The following COL4A5 variants were observed in gnomAD, a reference collection of about 807,000 sequenced individuals.
COL4A5 encodes collagen type IV alpha 5 chain.
A neutral mutation model predicts 130.2 loss-of-function variants in COL4A5; 26 were observed. That is an observed-to-expected ratio of 0.20 (90% CI 0.15 to 0.28). The LOEUF (loss-of-function observed/expected upper bound fraction) is 0.28, where lower values mean the gene tolerates loss of function less well. Among genes scored for constraint, COL4A5 ranks in the 10% least tolerant of loss-of-function variants. The pLI is 1.00. For missense variants in COL4A5, 1,131 were observed against 1,344.3 expected (o/e 0.84, Z 2.48); for synonymous variants, 496 against 439.6 (o/e 1.13, Z -1.60).
intron 1 of COL4A5, among the ~76,000 whole-genome samples, chrX:108,443,987 C>T (rs764371723): frequency 9.0e-6 from 1 of 111,669 alleles, no homozygotes; most frequent in East Asian, 2.8e-4. Flanking sequence ...TCTCTTTACG[C>T]TTAATGTATA....
intron 1 of COL4A5, chrX:108,442,929 C>T (rs988676564): frequency 5.4e-5 from 6 of 111,802 alleles, no homozygotes; most frequent in Non-Finnish European, 1.1e-4. Context: ...AATACATTCC[C>T]AGAAATCCAG....
rs1437668236 is a variant in COL4A5, at chrX:108,527,061, C to T, written c.82-12685C>T. ...CTGGGATTACAGGAATGAGTCACCACACCCAGCTGGCATTGACTTTTTGAA... is the reference window on the plus strand; with the variant it reads ...CTGGGATTACAGGAATGAGTCACCATACCCAGCTGGCATTGACTTTTTGAA... On this transcript the variant is annotated intron_variant, in intron 1 of 52. Coordinates refer to ENST00000328300, the MANE Select transcript of COL4A5 (RefSeq NM_033380.3). 5.4e-5 allele frequency among the ~76,000 whole-genome samples: 6 copies of T among 110,673 alleles called. No individual in the cohort carries two copies. The Admixed American group carries it at 5.8e-4, about 11-fold the overall frequency.
intron 1 of COL4A5, among the ~76,000 whole-genome samples, chrX:108,532,305 A>T (rs914283106): frequency 3.6e-5 from 4 of 112,083 alleles, no homozygotes; most frequent in African/African-American, 1.3e-4. Flanking sequence ...GATACATTAC[A>T]TCAACAGATT....
At chrX:108,648,074 A>G (rs2067643216) in intron 36 of COL4A5, among the ~76,000 whole-genome samples, 1 of 110,927 alleles carries the variant, frequency 9.0e-6, no homozygotes, top group Non-Finnish European at 1.9e-5. Flanking sequence ...AGGCTTTGGT[A>G]TCAGGATGAT....
chrX:108,487,331 G>A (rs187182075), intron 1 of COL4A5, among the ~76,000 whole-genome samples: 9 of 107,519 alleles, frequency 8.4e-5, no homozygotes, highest in Non-Finnish European at 1.7e-4. Flanking sequence ...TGGAGGTTGC[G>A]GTGAGCCGAG....
chrX:108,496,638 C>T (rs1457952901), intron 1 of COL4A5, among the ~76,000 whole-genome samples: 1 of 111,178 alleles, frequency 9.0e-6, no homozygotes, highest in Admixed American at 9.6e-5. Flanking sequence ...GATGAAGTCA[C>T]AAAATATAGT....
Position 108,513,511 on chromosome X carries a change from C to T in COL4A5, c.82-26235C>T, listed in dbSNP as rs1490581864. On this transcript the variant is annotated intron_variant, in intron 1 of 52. Transcript: ENST00000328300. Reference sequence around the variant, plus strand: ...AGTGATGTCGAGCCCTTTTCATGTGCTTATTGGACATTTGTGTATTTTCTT... The same window carrying T: ...AGTGATGTCGAGCCCTTTTCATGTGTTTATTGGACATTTGTGTATTTTCTT... Among the ~76,000 whole-genome samples, 3 of 111,536 alleles carry T rather than the reference C, an allele frequency of 2.7e-5. No individual in the cohort carries two copies. The East Asian group carries it at 8.4e-4, about 31-fold the overall frequency.
At chrX:108,683,595 G>C (rs993151944) in intron 47 of COL4A5, among the ~76,000 whole-genome samples, 5 of 111,177 alleles carry the variant, frequency 4.5e-5, no homozygotes, top group African/African-American at 1.6e-4. Context: ...AGTTTTGCCT[G>C]AAGAGGTCCT....
chrX:108,591,042 C>T lies in COL4A5; in HGVS notation c.1166-16C>T. The T allele has an allele frequency of 1.4e-5, 17 of 1,204,183 alleles. No individual in the cohort carries two copies. Among genetic ancestry groups the T allele is most frequent in the Non-Finnish European group, 1.8e-5 (16 of 890,262 alleles). The stretch of plus-strand genomic sequence containing the variant: ...CTCTAAGATGAAATCATTTTGATCA[C>T]TTTTTTGAATCTTAGGGGCTGCAGT... On this transcript the variant is annotated splice_polypyrimidine_tract_variant and intron_variant, in intron 19 of 52. Transcript: ENST00000328300.
intron 30 of COL4A5, among the ~76,000 whole-genome samples, chrX:108,615,840 C>T (rs1413361825): frequency 8.9e-6 from 1 of 112,077 alleles, no homozygotes; most frequent in African/African-American, 3.2e-5. Flanking sequence ...CACATGAATA[C>T]ATCTGAAGGC....
At chrX:108,488,591 G>T (rs1355963817) in intron 1 of COL4A5, among the ~76,000 whole-genome samples, 2 of 112,068 alleles carry the variant, frequency 1.8e-5, no homozygotes, top group African/African-American at 3.2e-5. Flanking sequence ...CCAACACATT[G>T]TATTATCAAA....
intron 36 of COL4A5, 54 bp downstream of exon 36, chrX:108,626,403 T>A: frequency 8.4e-7 from 1 of 1,192,633 alleles, no homozygotes; most frequent in Non-Finnish European, 1.1e-6. Context: ...TGAAATTTTT[T>A]AATACTATGC....
chrX:108,550,236 C>T (rs190778206), intron 2 of COL4A5, among the ~76,000 whole-genome samples: 15 of 111,436 alleles, frequency 1.3e-4, no homozygotes, highest in African/African-American at 4.2e-4. Flanking sequence ...AAACAGAAAA[C>T]GACAGACTAG....
chrX:108,619,132 T>C (rs1469986109), intron 30 of COL4A5, among the ~76,000 whole-genome samples: 2 of 111,497 alleles, frequency 1.8e-5, no homozygotes, highest in Admixed American at 1.9e-4. Flanking sequence ...TACTGTAAAA[T>C]GGCAGCATTG....
At chrX:108,664,022 TA>T (rs752764516) in intron 37 of COL4A5, among the ~76,000 whole-genome samples, 3 of 111,340 alleles carry the variant, frequency 2.7e-5, no homozygotes, top group Non-Finnish European at 5.7e-5. Context: ...CTGTCTCTAC[TA>T]AAATTACAGA....
At chrX:108,681,037 C>A in intron 46 of COL4A5, 81 bp downstream of exon 46, 1 of 909,906 alleles carries the variant, frequency 1.1e-6, no homozygotes, top group Non-Finnish European at 1.6e-6. Flanking sequence ...TGTCTTTCAG[C>A]CAGACCATCG....
At chrX:108,666,725 G>A (rs1228588049) in intron 39 of COL4A5, 131 bp downstream of exon 39, 3 of 577,099 alleles carry the variant, frequency 5.2e-6, no homozygotes, top group Non-Finnish European at 8.5e-6. Context: ...CCTTTTCCTA[G>A]TTACCGTCTT....
Position 108,595,528 on chromosome X carries a change from C to T in COL4A5, c.1443C>T (p.Cys481=), listed in dbSNP as rs1481434540. The change falls in exon 22 of 53, where the codon TGC becomes TGT. Residue 481 remains cysteine (C), a synonymous_variant. Transcript: ENST00000328300. The part of the protein sequence containing the change: ...QGVKGDKGDT[C]FNCIGTGISG... ...CACTAGGTGACAAAGGTGACACTTG[C>T]TTCAACTGCATTGGAACTGGTATTT... 1 of 1,210,612 alleles carries T rather than the reference C, an allele frequency of 8.3e-7. No individual in the cohort carries two copies. The highest frequency in any genetic ancestry group is 1.1e-6 in the Non-Finnish European group (1 of 895,271).
At chrX:108,499,259 G>A (rs1036747737) in intron 1 of COL4A5, among the ~76,000 whole-genome samples, 1 of 111,561 alleles carries the variant, frequency 9.0e-6, no homozygotes, top group African/African-American at 3.2e-5. Flanking sequence ...TTGTTAATGA[G>A]TAAGTTTTAT....
Sources: gnomAD v4.1 joint callset for allele counts (sites outside exome capture counted in the v4.1 genomes callset) on GRCh38, gnomAD v4.1.1 for gene constraint, MANE v1.5 for transcripts, NCBI Gene and HGNC (gene_info 2026-07-23, HGNC 2026-07-21) for gene names.